Variants in DDX46 observed in about 807,000 individuals in gnomAD.
DDX46 encodes the protein DEAD-box helicase 46.
Under a neutral mutation model 134.9 loss-of-function variants are expected in DDX46, and 30 were observed. The ratio of observed to expected loss-of-function variants is 0.22; its 90% CI spans 0.17 to 0.30. The LOEUF (loss-of-function observed/expected upper bound fraction) is 0.30, where lower values mean the gene tolerates loss of function less well. Ranked by LOEUF, DDX46 falls within the 10% of genes least tolerant of loss-of-function variation. The probability of loss-of-function intolerance (pLI) is 1.00; values close to 1 mark genes in which losing one functional copy is unlikely to be tolerated. For synonymous variants in DDX46, 415 were observed against 404.1 expected (o/e 1.03, Z -0.32); for missense variants, 622 against 1,248.7 (o/e 0.50, Z 7.56).
intron 1 of DDX46, among the ~76,000 whole-genome samples, chr5:134,763,017 C>T (rs1212059059): frequency 1.3e-5 from 2 of 151,912 alleles, no homozygotes; most frequent in Non-Finnish European, 2.9e-5. Flanking sequence ...TGAGATTGTG[C>T]CACTGCACTC....
chr5:134,807,627 T>G lies in DDX46; in HGVS notation c.1955-121T>G, dbSNP rs948257297. 8.5e-6 allele frequency: 7 copies of G among 826,952 alleles called. No individual in the cohort carries two copies. The African/African-American group carries it at 1.2e-4, about 14-fold the overall frequency. 51.2% of individuals were successfully genotyped at this position (826,952 alleles called of 1,614,324 possible). ...TTGCCATTACATTTTCTTAGTCTTT[T>G]ATTTTCTATATTTTAGGAGTTGGAT... On this transcript the variant is annotated intron_variant, in intron 15 of 22. Coordinates refer to ENST00000452510, the MANE Select transcript of DDX46 (RefSeq NM_001300860.2).
intron 5 of DDX46, among the ~76,000 whole-genome samples, chr5:134,775,099 C>T (rs962915221): frequency 2.0e-5 from 3 of 151,896 alleles, no homozygotes; most frequent in Non-Finnish European, 2.9e-5. Context: ...GGATTACAGG[C>T]GTGAGCCACC....
rs1274797505 is a variant in DDX46 at position 134,794,846 on chromosome 5, T to C, written c.1627-4T>C. On this transcript the variant is annotated splice_region_variant and splice_polypyrimidine_tract_variant and intron_variant, in intron 13 of 22. Transcript: ENST00000452510. ...ATTTATTTGTAATGTTTTCTTTTTC[T>C]CAGGTCATGCGCATCGTGGATAATG... 1.9e-6 allele frequency: 3 copies of C among 1,613,078 alleles called. No homozygotes were observed. The highest frequency in any genetic ancestry group is 1.3e-5 in the African/African-American group (1 of 74,882).
chr5:134,826,636 C>G (rs970600790), intron 21 of DDX46: 11 of 209,048 alleles, frequency 5.3e-5, no homozygotes, highest in African/African-American at 2.5e-4. Context: ...TTCCCTTTAG[C>G]CTTCTCTTAC....
intron 18 of DDX46, among the ~76,000 whole-genome samples, chr5:134,813,653 CAG>C (rs1174711728): frequency 1.3e-5 from 2 of 151,950 alleles, no homozygotes; most frequent in Admixed American, 1.3e-4. Flanking sequence ...GTTTTGGAAA[CAG>C]AGTCTGACTC....
chr5:134,770,764 A>G, intron 3 of DDX46, 139 bp from the exon 4 acceptor site: 2 of 614,172 alleles, frequency 3.3e-6, no homozygotes, highest in South Asian at 4.7e-5. Flanking sequence ...GTGAGCTGAG[A>G]TCGCACCATT....
chr5:134,779,384 G>C (rs930754705), intron 6 of DDX46, among the ~76,000 whole-genome samples: 10 of 152,170 alleles, frequency 6.6e-5, no homozygotes, highest in African/African-American at 1.9e-4. Flanking sequence ...AGTAGAGACA[G>C]GGTTTCACCA....
intron 15 of DDX46, among the ~76,000 whole-genome samples, chr5:134,801,553 A>C (rs564628098): frequency 4.1e-4 from 62 of 152,130 alleles, no homozygotes; most frequent in Non-Finnish European, 6.9e-4. Flanking sequence ...ATGTGCCACC[A>C]TGCCCAACTA....
chr5:134,820,061 A>T (rs55932487), intron 21 of DDX46, among the ~76,000 whole-genome samples: 10,809 of 151,906 alleles, frequency 0.071, 478 homozygotes, highest in South Asian at 0.13. Flanking sequence ...AGCTGGGATT[A>T]CAGGCATGCA....
In DDX46 at chr5:134,773,689, C is replaced by G. The variant is rs763758010; in HGVS notation, c.448-7C>G. Reference sequence around the variant, plus strand: ...CCCCATCTCTTTCTTTCTTTTATTCCCCCAAGAACTTTGACCAGAATAAGC... The same window carrying G: ...CCCCATCTCTTTCTTTCTTTTATTCGCCCAAGAACTTTGACCAGAATAAGC... On this transcript the variant is annotated splice_polypyrimidine_tract_variant and splice_region_variant and intron_variant, in intron 4 of 22. Transcript: ENST00000452510. 3 of 1,554,966 alleles carry G rather than the reference C, an allele frequency of 1.9e-6. No homozygotes were observed. Among genetic ancestry groups the G allele is most frequent in the East Asian group, 2.3e-5 (1 of 44,064 alleles).
intron 15 of DDX46, among the ~76,000 whole-genome samples, chr5:134,797,771 G>C (rs1754711169): frequency 6.6e-6 from 1 of 152,140 alleles, no homozygotes; most frequent in African/African-American, 2.4e-5. Context: ...AAGGGGCTTT[G>C]AAGATTTGTG....
At chr5:134,781,682 A>T (rs1284151084) in intron 7 of DDX46, among the ~76,000 whole-genome samples, 1 of 152,186 alleles carries the variant, frequency 6.6e-6, no homozygotes, top group African/African-American at 2.4e-5. Context: ...ATTCTTCAGG[A>T]GCTGCTTGAT....
intron 9 of DDX46, 111 bp from the exon 10 acceptor site, chr5:134,784,255 G>A (rs1034188811): frequency 3.7e-6 from 4 of 1,073,126 alleles, no homozygotes; most frequent in Non-Finnish European, 5.2e-6. Context: ...GTATTTTATT[G>A]TATGATATAT....
intron 15 of DDX46, among the ~76,000 whole-genome samples, chr5:134,797,410 C>T (rs555142736): frequency 1.3e-5 from 2 of 152,300 alleles, no homozygotes; most frequent in African/African-American, 4.8e-5. Flanking sequence ...GCATCACCTA[C>T]CAATCTACCT....
intron 18 of DDX46, among the ~76,000 whole-genome samples, chr5:134,812,791 C>T (rs569749232): frequency 1.3e-5 from 2 of 152,250 alleles, no homozygotes; most frequent in Non-Finnish European, 2.9e-5. Flanking sequence ...GCACCCACCA[C>T]CACGCCCGGC....
intron 21 of DDX46, among the ~76,000 whole-genome samples, chr5:134,822,145 C>T (rs1755473872): frequency 6.6e-6 from 1 of 152,094 alleles, no homozygotes; most frequent in Admixed American, 6.6e-5. Context: ...TCCCAAAGTG[C>T]AGGGATTACA....
chr5:134,821,232 C>CTATTTT (rs1386175630), intron 21 of DDX46, among the ~76,000 whole-genome samples: 15 of 151,434 alleles, frequency 9.9e-5, no homozygotes, highest in African/African-American at 3.4e-4. Flanking sequence ...TTAGTAGAGA[C>CTATTTT]AGGATTTCAC....
rs757362389 is a variant in DDX46, at chr5:134,816,496, A to G, written c.2503A>G (p.Thr835Ala). The G allele has an allele frequency of 6.2e-7, 1 of 1,613,996 alleles. No individual in the cohort carries two copies. Among genetic ancestry groups the G allele is most frequent in the East Asian group, 2.2e-5 (1 of 44,874 alleles). Reference sequence around the variant, plus strand: ...AGTAAAGGATATGGCTGCTCCTGGAACATCAAGTGTTCCTGCTCCAACTGC... The same window carrying G: ...AGTAAAGGATATGGCTGCTCCTGGAGCATCAAGTGTTCCTGCTCCAACTGC... ...KRVKDMAAPGTSSVPAPTAGN... is the reference protein window; with the variant it reads ...KRVKDMAAPGASSVPAPTAGN... Residue 835 changes from threonine (T) to alanine (A), a missense_variant, in exon 19 of 23, where the codon ACA becomes GCA. Physicochemically the swap from Thr to Ala is moderately conservative, Grantham distance 58. Transcript: ENST00000452510.
intron 21 of DDX46, among the ~76,000 whole-genome samples, chr5:134,820,952 A>C (rs1580820863): frequency 1.5e-5 from 2 of 131,704 alleles, no homozygotes; most frequent in Admixed American, 8.5e-5. Context: ...TGCAACTCCC[A>C]CCTCCTGGGT....
Sources: gnomAD v4.1 joint callset for allele counts (sites outside exome capture counted in the v4.1 genomes callset) on GRCh38, gnomAD v4.1.1 for gene constraint, MANE v1.5 for transcripts, NCBI Gene and HGNC (gene_info 2026-07-23, HGNC 2026-07-21) for gene names.